FOXP2: variants seen among roughly 807,000 people sequenced by gnomAD.
The protein encoded by FOXP2 is forkhead box protein P2.
In FOXP2, 12 loss-of-function variants were observed where a neutral mutation model predicts 115.8. The observed-to-expected ratio is 0.10, with a 90% CI of 0.07 to 0.17. The LOEUF (loss-of-function observed/expected upper bound fraction) is 0.17, where lower values mean the gene tolerates loss of function less well. Among genes scored for constraint, FOXP2 ranks in the 10% least tolerant of loss-of-function variants. FOXP2 has a pLI of 1.00. For synonymous variants in FOXP2, 328 were observed against 297.7 expected (o/e 1.10, Z -1.05); for missense variants, 629 against 843.5 (o/e 0.75, Z 3.15).
chr7:114,376,579 A>T lies in FOXP2; in HGVS notation c.-10-49923A>T, dbSNP rs1420641760. Among the ~76,000 whole-genome samples, 3 of 152,162 alleles carry T rather than the reference A, an allele frequency of 2.0e-5. 1 individual carries two copies. Among genetic ancestry groups the T allele is most frequent in the South Asian group, 4.1e-4 (2 of 4,832 alleles). On this transcript the variant is annotated intron_variant, in intron 2 of 17. Coordinates refer to the FOXP2 transcript ENST00000634411. ...TGTGTTAGATTTTTTTCACACCTGG[A>T]GAGCTAAACCTTTCCTGAGAGAGGT...
At chr7:114,264,433 C>A (rs1795844487) in intron 1 of FOXP2, among the ~76,000 whole-genome samples, 1 of 152,120 alleles carries the variant, frequency 6.6e-6, no homozygotes, top group African/African-American at 2.4e-5. Context: ...CACAAATATG[C>A]TCATGTTTTC....
chr7:114,611,231 C>T (rs7349958), intron 3 of FOXP2, among the ~76,000 whole-genome samples: 111,823 of 152,132 alleles, frequency 0.74, 44,371 homozygotes, highest in Non-Finnish European at 0.88. Context: ...TTTGTAAATA[C>T]GGATTTCTAC....
chr7:114,325,153 A>G (rs1340672918), intron 2 of FOXP2, among the ~76,000 whole-genome samples: 1 of 151,886 alleles, frequency 6.6e-6, no homozygotes, highest in Non-Finnish European at 1.5e-5. Flanking sequence ...AGTAGTCTAT[A>G]AAGATTTCCA....
chr7:114,122,249 C>G (rs1791585590), intron 1 of FOXP2, among the ~76,000 whole-genome samples: 1 of 152,048 alleles, frequency 6.6e-6, no homozygotes, highest in Non-Finnish European at 1.5e-5. Flanking sequence ...GTTGTTTGAA[C>G]AGAATGCAGT....
intron 2 of FOXP2, among the ~76,000 whole-genome samples, chr7:114,522,810 C>T (rs911966543): frequency 6.6e-6 from 1 of 151,958 alleles, no homozygotes; most frequent in African/African-American, 2.4e-5. Flanking sequence ...ATAATCTAAC[C>T]TAAATTTCTT....
At chr7:114,414,321 G>A (rs923211898), upstream of FOXP2, 3 of 152,160 alleles carry the variant, frequency 2.0e-5, no homozygotes, top group African/African-American at 7.2e-5. Context: ...TCCTGGGGGA[G>A]AGAAAGTCTT....
At chr7:114,673,709 T>G (rs1422597827) in intron 16 of FOXP2, among the ~76,000 whole-genome samples, 1 of 151,998 alleles carries the variant, frequency 6.6e-6, no homozygotes, top group Non-Finnish European at 1.5e-5. Flanking sequence ...GATACTGACT[T>G]TTTTTTTGAG....
chr7:114,578,428 T>G (rs1683928278), intron 3 of FOXP2, among the ~76,000 whole-genome samples: 1 of 152,052 alleles, frequency 6.6e-6, no homozygotes, highest in African/African-American at 2.4e-5. Context: ...TTCAACTCCT[T>G]TATTTTACAA....
intron 2 of FOXP2, among the ~76,000 whole-genome samples, chr7:114,320,289 T>C (rs1584633814): frequency 6.6e-6 from 1 of 152,216 alleles, no homozygotes; most frequent in East Asian, 1.9e-4. Flanking sequence ...CAGTTTTCTC[T>C]TTATCACTTC....
intron 1 of FOXP2, among the ~76,000 whole-genome samples, chr7:114,157,806 G>C (rs925658236): frequency 6.6e-6 from 1 of 152,088 alleles, no homozygotes; most frequent in African/African-American, 2.4e-5. Flanking sequence ...TAAAGATAAT[G>C]ATGAGAGGGA....
intron 2 of FOXP2, among the ~76,000 whole-genome samples, chr7:114,340,718 A>T (rs1791182785): frequency 6.6e-6 from 1 of 151,142 alleles, no homozygotes; most frequent in African/African-American, 2.4e-5. Flanking sequence ...TATTTGTCAC[A>T]TTTATTTTGC....
chr7:114,164,739 A>C (rs1792931348), intron 1 of FOXP2, among the ~76,000 whole-genome samples: 1 of 152,158 alleles, frequency 6.6e-6, no homozygotes, highest in South Asian at 2.1e-4. Flanking sequence ...TTTTCTTCTT[A>C]TTGAAAAATG....
chr7:114,423,898 T>C lies in FOXP2; in HGVS notation c.-10-2604T>C, dbSNP rs555715613. ...GAAATGTACAGTATAATCATCTAAT[T>C]ACACAATCACCCTTCTTTTTTCATA... On this transcript the variant is annotated intron_variant, in intron 1 of 16. Transcript: ENST00000350908. 7.3e-5 allele frequency among the ~76,000 whole-genome samples: 11 copies of C among 151,624 alleles called. No homozygotes were observed. The South Asian group carries it at 2.3e-3, about 31-fold the overall frequency.
chr7:114,381,959 ATTCC>A (rs1279593909), intron 2 of FOXP2, among the ~76,000 whole-genome samples: 1 of 152,118 alleles, frequency 6.6e-6, no homozygotes, highest in Non-Finnish European at 1.5e-5. Flanking sequence ...TTCAGGATTA[ATTCC>A]TTCCTCAAGC....
intron 2 of FOXP2, among the ~76,000 whole-genome samples, chr7:114,481,151 C>A (rs1796517970): frequency 6.6e-6 from 1 of 151,136 alleles, no homozygotes; most frequent in Non-Finnish European, 1.5e-5. Context: ...AGGTAGTACA[C>A]TAACCTGAGT....
intron 3 of FOXP2, among the ~76,000 whole-genome samples, chr7:114,618,332 T>TAAAAC (rs1804059035): frequency 6.6e-6 from 1 of 152,042 alleles, no homozygotes; most frequent in Non-Finnish European, 1.5e-5. Flanking sequence ...TAAAATAAAA[T>TAAAAC]AAAACAAAAC....
chr7:114,246,371 A>G (rs894283766), intron 1 of FOXP2, among the ~76,000 whole-genome samples: 12 of 152,244 alleles, frequency 7.9e-5, no homozygotes, highest in South Asian at 2.1e-4. Context: ...TACTTTTCTA[A>G]TGAGACCCCC....
intron 2 of FOXP2, among the ~76,000 whole-genome samples, chr7:114,467,558 G>T (rs1455647110): frequency 8.5e-5 from 13 of 152,090 alleles, no homozygotes. Flanking sequence ...CAACTGTGAA[G>T]AGTTAATCTC....
intron 6 of FOXP2, among the ~76,000 whole-genome samples, chr7:114,633,687 T>G (rs1158932660): frequency 6.6e-6 from 1 of 152,174 alleles, no homozygotes; most frequent in Non-Finnish European, 1.5e-5. Context: ...AATATCATTG[T>G]GGAGGCTCAT....
Sources: allele counts gnomAD v4.1 joint callset (sites outside exome capture counted in the v4.1 genomes callset), GRCh38; gene constraint gnomAD v4.1.1; transcripts MANE v1.5; gene names NCBI Gene and HGNC (gene_info 2026-07-23, HGNC 2026-07-21).